Variants in RASSF6 observed in about 807,000 individuals in gnomAD.
The protein encoded by RASSF6 is ras association domain-containing protein 6.
In RASSF6, 52 loss-of-function variants were observed where a neutral mutation model predicts 44.0. The ratio of observed to expected loss-of-function variants is 1.18; its 90% CI spans 0.95 to 1.49. RASSF6 has a LOEUF of 1.49. RASSF6 is among the 40% of genes most tolerant of loss of function. The pLI, the probability that RASSF6 is intolerant of heterozygous loss-of-function variation, is 0.00. For synonymous variants in RASSF6, 162 were observed against 124.6 expected (o/e 1.30, Z -2.00); for missense variants, 464 against 393.3 (o/e 1.18, Z -1.52).
At chr4:73,580,627 T>C (rs1394301490) in intron 8 of RASSF6, among the ~76,000 whole-genome samples, 5 of 149,136 alleles carry the variant, frequency 3.4e-5, no homozygotes, top group Non-Finnish European at 4.5e-5. Flanking sequence ...TGGCCAGTGA[T>C]GGTGAGCATT....
At chr4:73,614,880 CATA>C (rs1281392787) in intron 1 of RASSF6, among the ~76,000 whole-genome samples, 8 of 152,002 alleles carry the variant, frequency 5.3e-5, no homozygotes. Context: ...ATAGGCAGCA[CATA>C]ATATTTGAGT....
upstream of RASSF6, chr4:73,620,556 G>A: frequency 7.7e-7 from 1 of 1,303,900 alleles, no homozygotes; most frequent in Non-Finnish European, 1.0e-6. Context: ...TGGAGCCCCA[G>A]GAGCTGTTAA....
rs371387735 is a variant in RASSF6 at position 73,582,310 on chromosome 4, A to G, written c.568-20T>C. ...TGATGTCTAGAAAAAGAATTGTCACATAAGTCTTTAAAATTATATTATATT... is the reference window on the plus strand; with the variant it reads ...TGATGTCTAGAAAAAGAATTGTCACGTAAGTCTTTAAAATTATATTATATT... On this transcript the variant is annotated intron_variant, in intron 6 of 10. Coordinates refer to ENST00000307439, the MANE Select transcript of RASSF6 (RefSeq NM_177532.5). The G allele has an allele frequency of 4.6e-4, 592 of 1,297,228 alleles. 6 individuals are homozygous for G. The South Asian group carries it at 7.1e-3, about 16-fold the overall frequency. 80.4% of individuals were successfully genotyped at this position (1,297,228 alleles called of 1,614,324 possible).
intron 4 of RASSF6, among the ~76,000 whole-genome samples, chr4:73,589,874 T>C (rs886554886): frequency 1.3e-5 from 2 of 152,114 alleles, no homozygotes; most frequent in Non-Finnish European, 2.9e-5. Flanking sequence ...AGAAATTTGA[T>C]AGACAAATAG....
intron 4 of RASSF6, 56 bp downstream of exon 4, chr4:73,593,395 A>G: frequency 6.6e-7 from 1 of 1,523,362 alleles, no homozygotes; most frequent in East Asian, 2.3e-5. Flanking sequence ...TGCACGCAAT[A>G]AAACTAGATA....
chr4:73,587,846 G>T lies in RASSF6; in HGVS notation c.376C>A (p.Gln126Lys), dbSNP rs776497477. 6.2e-7 allele frequency: 1 copy of T among 1,602,386 alleles called. No homozygotes were observed. Among genetic ancestry groups the T allele is most frequent in the Admixed American group, 1.7e-5 (1 of 59,780 alleles). Residue 126 changes from glutamine to lysine, a missense_variant, in exon 5 of 11, where the codon CAG becomes AAG. Gln to Lys is a moderately conservative substitution (Grantham distance 53). Transcript: ENST00000307439. ...QIPMSEKRNS[Q>K]EDYLSYHSNT... ...ATAAGATTTTGATACTGACCTTCCT[G>T]GGAATTCCTTTTTTCAGACATAGGA...
chr4:73,597,961 A>G (rs1159072539), intron 3 of RASSF6, among the ~76,000 whole-genome samples: 1 of 152,190 alleles, frequency 6.6e-6, no homozygotes, highest in Non-Finnish European at 1.5e-5. Context: ...ACTGAGGCCT[A>G]TCAGAGGGTG....
In RASSF6 at chr4:73,572,403, A is replaced by G. The variant is rs749722727; in HGVS notation, c.*3832T>C. ...AATTGCTAAAAGAGTACATTTTTAA[A>G]TGTTCTCACCACAAAGAAATTATAA... On this transcript the variant is annotated 3_prime_UTR_variant, in exon 11 of 11. Transcript: ENST00000307439. The G allele has an allele frequency of 9.9e-5, 15 of 152,186 alleles. No individual in the cohort carries two copies. Among genetic ancestry groups the G allele is most frequent in the Admixed American group, 5.2e-4 (8 of 15,278 alleles). The allele number at this position is 152,186 out of a possible 1,614,324, so 9.4% of individuals were successfully genotyped here.
At chr4:73,601,551 G>A (rs1725277971) in intron 2 of RASSF6, among the ~76,000 whole-genome samples, 1 of 152,204 alleles carries the variant, frequency 6.6e-6, no homozygotes, top group Non-Finnish European at 1.5e-5. Context: ...GAAGATTAGA[G>A]CTCAGTAAAC....
In RASSF6 at chr4:73,620,271, C is replaced by G; in HGVS notation, c.-35+17G>C. The stretch of plus-strand genomic sequence containing the variant: ...GGAGTGGATTAGAAAGTTTTTTTCC[C>G]CATCCCCATTTTTTACCTGTTATTC... On this transcript the variant is annotated intron_variant, in intron 1 of 10. Transcript: ENST00000307439. 1 of 1,392,422 alleles carries G rather than the reference C, an allele frequency of 7.2e-7. No individual in the cohort carries two copies. The highest frequency in any genetic ancestry group is 9.3e-7 in the Non-Finnish European group (1 of 1,075,898). 86.3% of individuals were successfully genotyped at this position (1,392,422 alleles called of 1,614,324 possible). A position where few individuals can be genotyped will look rare whatever the true frequency, so the allele number is the denominator to read the frequency against.
chr4:73,579,083 C>T lies in RASSF6; in HGVS notation c.722-2352G>A, dbSNP rs75602221. Among the ~76,000 whole-genome samples the T allele has an allele frequency of 4.0e-3, 606 of 152,176 alleles. 4 individuals are homozygous for T. The highest frequency in any genetic ancestry group is 0.014 in the African/African-American group (581 of 41,498). ...AAAAAATGGGATCTTTTATATATAC[C>T]TTTAGGCATCTTGCATTTCTCACTT... is the stretch of plus-strand genomic sequence containing the variant. On this transcript the variant is annotated intron_variant, in intron 8 of 10. Coordinates refer to ENST00000307439, the MANE Select transcript of RASSF6 (RefSeq NM_177532.5).
chr4:73,582,232 A>C lies in RASSF6; in HGVS notation c.626T>G (p.Met209Arg). Residue 209 changes from methionine to arginine, a missense_variant, in exon 7 of 11, where the codon ATG (methionine) becomes AGG (arginine). Physicochemically the swap from Met to Arg is moderately conservative, Grantham distance 91. Transcript: ENST00000307439. ...SETKVRVNSNMRTEEVIKQLL... is the reference protein window; with the variant it reads ...SETKVRVNSNRRTEEVIKQLL... ...TTGCTTTATTACTTCTTCAGTTCTC[A>C]TGTTACTGTTTACTCTGACCTTAGT... 2 of 1,597,978 alleles carry C rather than the reference A, an allele frequency of 1.3e-6. No homozygotes were observed. The highest frequency in any genetic ancestry group is 1.1e-5 in the South Asian group (1 of 88,792).
Position 73,573,050 on chromosome 4 carries a change from A to G in RASSF6, c.*3185T>C, listed in dbSNP as rs1365908361. 1 of 152,064 alleles carries G rather than the reference A, an allele frequency of 6.6e-6. No individual in the cohort carries two copies. Among genetic ancestry groups the G allele is most frequent in the Non-Finnish European group, 1.5e-5 (1 of 68,010 alleles). The allele number at this position is 152,064 out of a possible 1,614,324, so 9.4% of individuals were successfully genotyped here. Reference sequence around the variant, plus strand: ...TATATTCTTATTTAGATATATAAGAATTTACCCCTGTAATTAAAATTACTT... The same window carrying G: ...TATATTCTTATTTAGATATATAAGAGTTTACCCCTGTAATTAAAATTACTT... On this transcript the variant is annotated 3_prime_UTR_variant, in exon 11 of 11. Coordinates refer to ENST00000307439, the MANE Select transcript of RASSF6 (RefSeq NM_177532.5).
chr4:73,578,363 G>T (rs1204407422), intron 8 of RASSF6, among the ~76,000 whole-genome samples: 2 of 152,058 alleles, frequency 1.3e-5, no homozygotes, highest in African/African-American at 4.8e-5. Context: ...CAACCTAGCT[G>T]TTCAAGTTAT....
At chr4:73,616,668 C>T (rs57165686) in intron 1 of RASSF6, among the ~76,000 whole-genome samples, 24,688 of 152,052 alleles carry the variant, frequency 0.16, 2,414 homozygotes, top group Non-Finnish European at 0.22. Context: ...TCACCCACGT[C>T]CCCAGTAAAA....
Position 73,574,074 on chromosome 4 carries a change from G to A in RASSF6, c.*2161C>T, listed in dbSNP as rs948818018. The A allele has an allele frequency of 2.0e-5, 3 of 152,378 alleles. No individual in the cohort carries two copies. Among genetic ancestry groups the A allele is most frequent in the Non-Finnish European group, 4.4e-5 (3 of 68,280 alleles). The allele number at this position is 152,378 out of a possible 1,614,324, so 9.4% of individuals were successfully genotyped here. ...CACTTGCTTCTCTAGCTTTTGCTTTGGGCAGTGGTGGTATAACCTGGAGCC... is the reference window on the plus strand; with the variant it reads ...CACTTGCTTCTCTAGCTTTTGCTTTAGGCAGTGGTGGTATAACCTGGAGCC... On this transcript the variant is annotated 3_prime_UTR_variant, in exon 11 of 11. Coordinates refer to ENST00000307439, the MANE Select transcript of RASSF6 (RefSeq NM_177532.5).
Position 73,573,170 on chromosome 4 carries a change from C to A in RASSF6, c.*3065G>T, listed in dbSNP as rs1181951248. The A allele has an allele frequency of 6.6e-6, 1 of 151,550 alleles. No individual in the cohort carries two copies. The highest frequency in any genetic ancestry group is 1.9e-4 in the East Asian group (1 of 5,182). 9.4% of individuals were successfully genotyped at this position (151,550 alleles called of 1,614,324 possible). ...AGAGACGGAGTCTTGCTCTGTCGTC[C>A]AGGCTGGAGAGCAGTGGCGCCATCT... On this transcript the variant is annotated 3_prime_UTR_variant, in exon 11 of 11. Transcript: ENST00000307439.
intron 2 of RASSF6, among the ~76,000 whole-genome samples, chr4:73,606,142 T>C (rs558774169): frequency 6.6e-6 from 1 of 152,190 alleles, no homozygotes; most frequent in Non-Finnish European, 1.5e-5. Flanking sequence ...CTATTCACAA[T>C]AGCAAAGACA....
intron 2 of RASSF6, among the ~76,000 whole-genome samples, chr4:73,605,594 ATTTCC>A (rs1725565245): frequency 6.6e-6 from 1 of 152,178 alleles, no homozygotes; most frequent in South Asian, 2.1e-4. Context: ...GGTTATTCGC[ATTTCC>A]TTTGCAAATG....
Sources: allele counts gnomAD v4.1 joint callset (sites outside exome capture counted in the v4.1 genomes callset), GRCh38; gene constraint gnomAD v4.1.1; transcripts MANE v1.5; gene names NCBI Gene and HGNC (gene_info 2026-07-23, HGNC 2026-07-21).